GLIS3: variants seen among roughly 807,000 people sequenced by gnomAD.
The protein encoded by GLIS3 is GLIS family zinc finger 3.
A neutral mutation model predicts 78.6 loss-of-function variants in GLIS3; 53 were observed. That is an observed-to-expected ratio of 0.67 (90% CI 0.54 to 0.85). GLIS3 has a LOEUF of 0.85. GLIS3 is among the 40% of genes least tolerant of loss of function. The pLI is 0.00. For missense variants in GLIS3, 1,703 were observed against 1,231.1 expected (o/e 1.38, Z -5.74); for synonymous variants, 684 against 509.9 (o/e 1.34, Z -4.60).
chr9:3,902,482 A>T (rs550773756), intron 6 of GLIS3, among the ~76,000 whole-genome samples: 1 of 152,302 alleles, frequency 6.6e-6, no homozygotes, highest in East Asian at 1.9e-4. Context: ...CTATTTATTT[A>T]AAAAACTGCA....
intron 4 of GLIS3, among the ~76,000 whole-genome samples, chr9:4,078,453 A>G (rs528521864): frequency 1.1e-4 from 16 of 152,272 alleles, no homozygotes; most frequent in African/African-American, 3.9e-4. Context: ...TTCTGTAACA[A>G]TATAATTCTT....
chr9:4,126,014 C>T, intron 2 of GLIS3, 73 bp from the exon 3 acceptor site: 1 of 1,148,064 alleles, frequency 8.7e-7, no homozygotes, highest in Non-Finnish European at 1.3e-6. Flanking sequence ...CATGTGCACG[C>T]TTATATCAGG....
intron 1 of GLIS3, among the ~76,000 whole-genome samples, chr9:4,293,535 C>T (rs1816208721): frequency 6.6e-6 from 1 of 152,192 alleles, no homozygotes; most frequent in Non-Finnish European, 1.5e-5. Context: ...ATGACTCAGC[C>T]AAGTTACAGA....
intron 2 of GLIS3, among the ~76,000 whole-genome samples, chr9:4,224,717 TTC>T (rs1821620965): frequency 7.6e-6 from 1 of 131,464 alleles, no homozygotes; most frequent in Non-Finnish European, 1.6e-5. Context: ...TTTCATCTTT[TTC>T]TGTTTTTTTT....
intron 9 of GLIS3, among the ~76,000 whole-genome samples, chr9:3,844,770 G>C (rs867713324): frequency 6.6e-6 from 1 of 152,054 alleles, no homozygotes; most frequent in East Asian, 1.9e-4. Flanking sequence ...TTTAATCCCT[G>C]TTACTATTAA....
intron 4 of GLIS3, among the ~76,000 whole-genome samples, chr9:4,090,284 C>T (rs967625819): frequency 2.0e-5 from 3 of 152,098 alleles, no homozygotes; most frequent in Non-Finnish European, 4.4e-5. Context: ...ATTCAAACTG[C>T]GGTCCTGGCT....
At chr9:3,944,118 G>A (rs544183834) in intron 4 of GLIS3, among the ~76,000 whole-genome samples, 2 of 152,254 alleles carry the variant, frequency 1.3e-5, no homozygotes, top group Non-Finnish European at 2.9e-5. Flanking sequence ...TCATGAGGAA[G>A]CAGCTGATTC....
At chr9:4,218,124 G>A (rs374511148) in intron 2 of GLIS3, among the ~76,000 whole-genome samples, 171 of 152,290 alleles carry the variant, frequency 1.1e-3, no homozygotes, top group African/African-American at 3.9e-3. Flanking sequence ...AGTTGCTGCA[G>A]CTGAAAAGCC....
At chr9:4,209,688 G>T (rs1820214599) in intron 2 of GLIS3, among the ~76,000 whole-genome samples, 1 of 152,098 alleles carries the variant, frequency 6.6e-6, no homozygotes, top group Non-Finnish European at 1.5e-5. Context: ...CTCTGCCAGG[G>T]TTTCTTAACG....
the GLIS3 span, among the ~76,000 whole-genome samples, chr9:4,416,252 T>TTTAAAAAA: frequency 2.1e-4 from 16 of 75,838 alleles, 3 homozygotes; most frequent in African/African-American, 7.4e-4. Context: ...ACACTGTTTT[T>TTTAAAAAA]AAAAAAAAAA....
rs116100286 is a variant in GLIS3, at chr9:4,214,477, C to T, written c.388+71561G>A. Among the ~76,000 whole-genome samples the T allele has an allele frequency of 1.5e-3, 231 of 152,304 alleles. 2 individuals carry two copies. Among genetic ancestry groups the T allele is most frequent in the African/African-American group, 5.0e-3 (209 of 41,570 alleles). Reference sequence around the variant, plus strand: ...TTCACCCCACATTGACTGAGAATCTCCCTAACTGCCAGGGCTATGCTAAGT... The same window carrying T: ...TTCACCCCACATTGACTGAGAATCTTCCTAACTGCCAGGGCTATGCTAAGT... On this transcript the variant is annotated intron_variant, in intron 2 of 10. Coordinates refer to ENST00000381971, the MANE Select transcript of GLIS3 (RefSeq NM_001042413.2).
At chr9:4,449,442 T>C in the GLIS3 span, among the ~76,000 whole-genome samples, 1 of 152,318 alleles carries the variant, frequency 6.6e-6, no homozygotes, top group Non-Finnish European at 1.5e-5. Context: ...TAAACATCCC[T>C]GTCTGACATC....
chr9:3,860,782 T>C (rs1448742934), intron 8 of GLIS3, among the ~76,000 whole-genome samples: 1 of 152,166 alleles, frequency 6.6e-6, no homozygotes, highest in African/African-American at 2.4e-5. Flanking sequence ...GGTTCTAAAG[T>C]CCATGGTGAC....
At chr9:4,397,094 T>C in the GLIS3 span, among the ~76,000 whole-genome samples, 7,516 of 127,198 alleles carry the variant, frequency 0.059, 297 homozygotes, top group African/African-American at 0.096. Flanking sequence ...GGCGCGATCT[T>C]GGCTCACTGC....
chr9:4,189,329 G>C (rs1010877413), intron 2 of GLIS3, among the ~76,000 whole-genome samples: 1 of 152,114 alleles, frequency 6.6e-6, no homozygotes, highest in Non-Finnish European at 1.5e-5. Context: ...TCTTAATCCT[G>C]AGTTCTAGTT....
At chr9:3,889,341 T>C (rs1822275402) in intron 7 of GLIS3, among the ~76,000 whole-genome samples, 1 of 152,188 alleles carries the variant, frequency 6.6e-6, no homozygotes, top group African/African-American at 2.4e-5. Context: ...TGGGGTTCCA[T>C]AGAGTGCCCT....
intron 2 of GLIS3, among the ~76,000 whole-genome samples, chr9:4,323,722 T>A (rs1479352298): frequency 6.6e-6 from 1 of 152,202 alleles, no homozygotes; most frequent in Non-Finnish European, 1.5e-5. Flanking sequence ...ATGATTGGGA[T>A]CTGTCTTCTC....
chr9:3,970,395 T>C (rs960549680), intron 4 of GLIS3, among the ~76,000 whole-genome samples: 3 of 152,228 alleles, frequency 2.0e-5, no homozygotes, highest in East Asian at 1.9e-4. Context: ...TGATAATTCA[T>C]GGAACAGGAA....
intron 6 of GLIS3, among the ~76,000 whole-genome samples, chr9:3,915,523 A>T (rs751614999): frequency 6.6e-6 from 1 of 152,140 alleles, no homozygotes; most frequent in Admixed American, 6.5e-5. Flanking sequence ...TCTAAGTTAG[A>T]GGACTGGATA....
Sources: allele counts gnomAD v4.1 joint callset (sites outside exome capture counted in the v4.1 genomes callset), GRCh38; gene constraint gnomAD v4.1.1; transcripts MANE v1.5; gene names NCBI Gene and HGNC (gene_info 2026-07-23, HGNC 2026-07-21).